METTL21A: variants seen among roughly 807,000 people sequenced by gnomAD.
The protein encoded by METTL21A is methyltransferase 21A, HSPA lysine, also known as protein N-lysine methyltransferase METTL21A.
A neutral mutation model predicts 20.9 loss-of-function variants in METTL21A; 22 were observed. The observed-to-expected ratio is 1.05, with a 90% CI of 0.75 to 1.50. The LOEUF is 1.50. METTL21A is among the 40% of genes most tolerant of loss of function. The pLI is 0.00. For synonymous variants in METTL21A, 93 were observed against 102.0 expected (o/e 0.91, Z 0.53); for missense variants, 271 against 266.8 (o/e 1.02, Z -0.11).
At chr2:207,620,666 C>T (rs1254662914) in intron 3 of METTL21A, 18 of 1,535,152 alleles carry the variant, frequency 1.2e-5, no homozygotes, top group Non-Finnish European at 1.5e-5. Flanking sequence ...GGCAGTGTAC[C>T]AGCAAGGGCT....
chr2:207,596,684 TG>T (rs1382122429), intron 3 of METTL21A, among the ~76,000 whole-genome samples: 34 of 152,210 alleles, frequency 2.2e-4, no homozygotes, highest in Admixed American at 2.2e-3. Flanking sequence ...CTCCCTGCCT[TG>T]GCCCCCGAAA....
At chr2:207,600,701 T>C (rs764811496) in intron 3 of METTL21A, 1 of 211,082 alleles carries the variant, frequency 4.7e-6, no homozygotes, top group African/African-American at 2.3e-5. Flanking sequence ...TCAGCAGCAG[T>C]GCTAGTCTCT....
chr2:207,617,539 GA>G (rs2089935814), intron 3 of METTL21A, among the ~76,000 whole-genome samples: 1 of 152,224 alleles, frequency 6.6e-6, no homozygotes, highest in South Asian at 2.1e-4. Flanking sequence ...ATCTTGCTGA[GA>G]AAAAGTGAGG....
downstream of METTL21A, among the ~76,000 whole-genome samples, chr2:207,608,503 T>C (rs1427929950): frequency 6.6e-6 from 1 of 152,128 alleles, no homozygotes; most frequent in East Asian, 1.9e-4. Flanking sequence ...TAATGTTTTA[T>C]GAAAACAGAA....
rs1216207621 is a variant in METTL21A at position 207,596,998 on chromosome 2, C to T, written c.260-14838G>A. 11 of 1,612,456 alleles carry T rather than the reference C, an allele frequency of 6.8e-6. No homozygotes were observed. The South Asian group carries it at 1.2e-4, about 18-fold the overall frequency. The stretch of plus-strand genomic sequence containing the variant: ...GAGTGGCAGTGCTTGAAAATCAAAA[C>T]AAGACATTGATTGAGGAGCTAAAAG... On this transcript the variant is annotated intron_variant, in intron 3 of 3. Transcript: ENST00000425132.
intron 3 of METTL21A, chr2:207,582,786 A>G: frequency 7.8e-6 from 2 of 256,250 alleles, no homozygotes; most frequent in Non-Finnish European, 1.6e-5. Context: ...CCAGCTACTC[A>G]GGCGGCTGAG....
At chr2:207,596,178 T>C (rs866623600) in intron 3 of METTL21A, among the ~76,000 whole-genome samples, 2 of 152,232 alleles carry the variant, frequency 1.3e-5, no homozygotes, top group Non-Finnish European at 2.9e-5. Flanking sequence ...CTCACTCTTT[T>C]GCATGTGGAT....
At chr2:207,596,509 C>T (rs905277557) in intron 3 of METTL21A, among the ~76,000 whole-genome samples, 1 of 151,400 alleles carries the variant, frequency 6.6e-6, no homozygotes, top group African/African-American at 2.4e-5. Flanking sequence ...TCTCAGCTTA[C>T]TGCAGCCTCT....
At chr2:207,615,496 G>GAC (rs1385414734) in intron 3 of METTL21A, among the ~76,000 whole-genome samples, 1 of 151,986 alleles carries the variant, frequency 6.6e-6, no homozygotes, top group Non-Finnish European at 1.5e-5. Flanking sequence ...AAGAGATCGA[G>GAC]ACTATCCTGG....
chr2:207,622,825 C>A (rs967580499), intron 2 of METTL21A, among the ~76,000 whole-genome samples: 3 of 152,188 alleles, frequency 2.0e-5, no homozygotes, highest in African/African-American at 7.2e-5. Flanking sequence ...TAATTTATTT[C>A]TCACAGCCGC....
chr2:207,602,763 G>A (rs996186317), intron 3 of METTL21A: 4 of 213,442 alleles, frequency 1.9e-5, no homozygotes, highest in African/African-American at 9.0e-5. Flanking sequence ...TATTAAAAGT[G>A]GGAAATAATT....
chr2:207,614,591 T>C, intron 3 of METTL21A, among the ~76,000 whole-genome samples: 1 of 152,232 alleles, frequency 6.6e-6, no homozygotes, highest in Non-Finnish European at 1.5e-5. Context: ...ATTGTAAGCT[T>C]AAAAATTACT....
exon 4 of METTL21A, chr2:207,613,338 T>A (rs2089238397): frequency 1.2e-6 from 2 of 1,613,982 alleles, no homozygotes; most frequent in Admixed American, 3.3e-5. Context: ...CCAAGTCAGC[T>A]CCTTAACAAC....
chr2:207,602,171 A>G (rs2087175022), intron 3 of METTL21A: 1 of 194,982 alleles, frequency 5.1e-6, no homozygotes, highest in Non-Finnish European at 1.1e-5. Context: ...GGGACCAGAT[A>G]ACGTTTGAAT....
At chr2:207,604,203 A>T (rs1284399773), downstream of METTL21A, among the ~76,000 whole-genome samples, 1 of 152,234 alleles carries the variant, frequency 6.6e-6, no homozygotes, top group Non-Finnish European at 1.5e-5. Flanking sequence ...CAGGCACTGA[A>T]GTGACAAGAC....
chr2:207,605,533 AAG>A (rs2087940186), downstream of METTL21A, among the ~76,000 whole-genome samples: 1 of 152,136 alleles, frequency 6.6e-6, no homozygotes, highest in African/African-American at 2.4e-5. Context: ...TTCTAAAAAA[AAG>A]AAACATGGAA....
downstream of METTL21A, among the ~76,000 whole-genome samples, chr2:207,605,450 A>G (rs190615978): frequency 6.6e-6 from 1 of 152,242 alleles, no homozygotes. Flanking sequence ...GGCCCTTATA[A>G]TATTTTCGCC....
intron 3 of METTL21A, chr2:207,615,591 G>A (rs990724838): frequency 6.6e-6 from 1 of 151,974 alleles, no homozygotes; most frequent in African/African-American, 2.4e-5. Flanking sequence ...AGCTACTCAG[G>A]AGGCTGAGGC....
At chr2:207,604,808 G>A (rs1430289129), downstream of METTL21A, among the ~76,000 whole-genome samples, 5 of 152,134 alleles carry the variant, frequency 3.3e-5, no homozygotes, top group Admixed American at 6.5e-5. Context: ...TTACATCCGG[G>A]TATTTCATGT....
Sources: allele counts gnomAD v4.1 joint callset (sites outside exome capture counted in the v4.1 genomes callset), GRCh38; gene constraint gnomAD v4.1.1; transcripts MANE v1.5; gene names NCBI Gene and HGNC (gene_info 2026-07-23, HGNC 2026-07-21).